AIG1: variants seen among roughly 807,000 people sequenced by gnomAD.
AIG1 encodes the protein androgen-induced gene 1 protein.
A neutral mutation model predicts 31.4 loss-of-function variants in AIG1; 23 were observed. The ratio of observed to expected loss-of-function variants is 0.73; its 90% CI spans 0.53 to 1.04. The LOEUF is 1.04. Among genes scored for constraint, AIG1 ranks in the 50% least tolerant of loss-of-function variants. The probability of loss-of-function intolerance (pLI) is 0.00; values close to 1 mark genes in which losing one functional copy is unlikely to be tolerated. For synonymous variants in AIG1, 100 were observed against 110.5 expected, an observed-to-expected ratio of 0.90 and a Z score of 0.60; for missense variants, 274 against 295.0, an observed-to-expected ratio of 0.93 and a Z score of 0.52.
intron 4 of AIG1, among the ~76,000 whole-genome samples, chr6:143,295,246 C>T (rs372212762): frequency 1.4e-3 from 217 of 152,296 alleles, no homozygotes; most frequent in African/African-American, 4.8e-3. Context: ...ATCTCCACTG[C>T]CAACACTATG....
chr6:143,323,713 C>A (rs375526421), intron 4 of AIG1, among the ~76,000 whole-genome samples: 1 of 152,134 alleles, frequency 6.6e-6, no homozygotes, highest in East Asian at 1.9e-4. Flanking sequence ...CAGACCCCCA[C>A]ACACACTGTG....
intron 2 of AIG1, among the ~76,000 whole-genome samples, chr6:143,150,807 A>C (rs973482191): frequency 6.6e-6 from 1 of 152,218 alleles, no homozygotes; most frequent in African/African-American, 2.4e-5. Flanking sequence ...GCGTCAAAGC[A>C]GATGTTTCTC....
intron 3 of AIG1, chr6:143,190,626 C>G (rs1789708053): frequency 1.3e-5 from 13 of 985,216 alleles, no homozygotes; most frequent in African/African-American, 1.7e-5. Context: ...CACAGATCCT[C>G]CAGTTGAACA....
At chr6:143,222,239 G>C (rs17529996) in intron 3 of AIG1, among the ~76,000 whole-genome samples, 12,152 of 152,196 alleles carry the variant, frequency 0.08, 491 homozygotes, top group South Asian at 0.1. Flanking sequence ...GGAAATGCTT[G>C]GTTAGTAAGG....
intron 2 of AIG1, among the ~76,000 whole-genome samples, chr6:143,156,953 G>A (rs936382251): frequency 3.3e-5 from 5 of 152,224 alleles, no homozygotes; most frequent in Admixed American, 2.6e-4. Context: ...ATAGTCCTAT[G>A]CACTGGCCAA....
chr6:143,275,804 C>G (rs1796851666), intron 3 of AIG1, among the ~76,000 whole-genome samples: 2 of 152,170 alleles, frequency 1.3e-5, no homozygotes, highest in Non-Finnish European at 2.9e-5. Flanking sequence ...GTTTGCCTGT[C>G]TGAGGGCATT....
chr6:143,321,284 A>G lies in AIG1; in HGVS notation c.516-11998A>G, dbSNP rs140533274. ...ATTAATTATGTATACCTTCTTGTAT[A>G]TAAATCATACTTCAATTTTTAAAAA... On this transcript the variant is annotated intron_variant, in intron 4 of 5. Transcript: ENST00000357847. Among the ~76,000 whole-genome samples, 1,051 of 152,196 alleles carry G rather than the reference A, an allele frequency of 6.9e-3. 9 individuals carry two copies. The highest frequency in any genetic ancestry group is 0.011 in the Non-Finnish European group (761 of 68,000).
chr6:143,235,673 A>G (rs6570551), intron 3 of AIG1, among the ~76,000 whole-genome samples: 77,394 of 152,106 alleles, frequency 0.51, 22,285 homozygotes, highest in East Asian at 0.93. Flanking sequence ...AACAAAGATA[A>G]ATAAACAACA....
chr6:143,274,511 A>T (rs146329073), intron 3 of AIG1, among the ~76,000 whole-genome samples: 1 of 152,230 alleles, frequency 6.6e-6, no homozygotes, highest in African/African-American at 2.4e-5. Flanking sequence ...TGTGTGAGCC[A>T]CTTCTACTCC....
At chr6:143,218,310 C>G (rs1166761587) in intron 3 of AIG1, among the ~76,000 whole-genome samples, 1 of 152,182 alleles carries the variant, frequency 6.6e-6, no homozygotes, top group Non-Finnish European at 1.5e-5. Context: ...GTCACCTGCC[C>G]TAGCTGCCAG....
chr6:143,321,545 C>T (rs1344693212), intron 4 of AIG1, among the ~76,000 whole-genome samples: 1 of 151,620 alleles, frequency 6.6e-6, no homozygotes, highest in Non-Finnish European at 1.5e-5. Flanking sequence ...TTGCAGTGAG[C>T]CGAGGTCACT....
chr6:143,342,166 A>G, downstream of AIG1: 1 of 566,088 alleles, frequency 1.8e-6, no homozygotes, highest in South Asian at 1.9e-5. Flanking sequence ...TTAGGTGATC[A>G]CCCGCCTTGG....
intron 4 of AIG1, among the ~76,000 whole-genome samples, chr6:143,304,637 A>C (rs1334575501): frequency 4.0e-5 from 6 of 151,874 alleles, no homozygotes; most frequent in Non-Finnish European, 8.8e-5. Context: ...CCAGTATTTT[A>C]TTGAGGATTT....
chr6:143,254,851 AAAT>A (rs1795269069), intron 3 of AIG1, among the ~76,000 whole-genome samples: 1 of 152,066 alleles, frequency 6.6e-6, no homozygotes, highest in South Asian at 2.1e-4. Flanking sequence ...CCGTCTCTAC[AAAT>A]AATAATAGTA....
intron 3 of AIG1, among the ~76,000 whole-genome samples, chr6:143,255,882 C>G (rs1795348695): frequency 6.6e-6 from 1 of 152,098 alleles, no homozygotes; most frequent in African/African-American, 2.4e-5. Context: ...TCTTTTCTCT[C>G]TCAATTTTGA....
rs1797818319 is a variant in AIG1, at chr6:143,288,127, C to T, written c.515+3902C>T. On this transcript the variant is annotated intron_variant, in intron 4 of 5. Coordinates refer to ENST00000357847, the MANE Select transcript of AIG1 (RefSeq NM_016108.4). This position sits in a 1 kb window ranked among gnomAD's most constrained non-coding sequence, Gnocchi z 4.4. ...GCAGCCGTCTGGGGCTGAATCTTTT[C>T]CCGGGCTGGCTCCACCCTCACTTCC... is the stretch of plus-strand genomic sequence containing the variant. Among the ~76,000 whole-genome samples, 1 of 152,090 alleles carries T rather than the reference C, an allele frequency of 6.6e-6. No individual in the cohort carries two copies. The highest frequency in any genetic ancestry group is 2.4e-5 in the African/African-American group (1 of 41,396).
At chr6:143,117,727 T>C (rs554108527) in intron 1 of AIG1, among the ~76,000 whole-genome samples, 1 of 152,218 alleles carries the variant, frequency 6.6e-6, no homozygotes, top group Non-Finnish European at 1.5e-5. Context: ...ATCTCTAAGG[T>C]AGTGATTGCA....
chr6:143,117,608 C>A (rs973431527), intron 1 of AIG1, among the ~76,000 whole-genome samples: 5 of 152,092 alleles, frequency 3.3e-5, no homozygotes, highest in South Asian at 4.2e-4. Context: ...GTCTGACTTT[C>A]AAATGCAGAA....
At chr6:143,119,164 C>T (rs541461967) in intron 1 of AIG1, among the ~76,000 whole-genome samples, 3 of 152,260 alleles carry the variant, frequency 2.0e-5, no homozygotes, top group Admixed American at 2.0e-4. Flanking sequence ...AAGTACATAG[C>T]GTGCTTATCA....
Sources: allele counts gnomAD v4.1 joint callset (sites outside exome capture counted in the v4.1 genomes callset), GRCh38; gene constraint gnomAD v4.1.1; non-coding constraint Gnocchi (gnomAD v3.1); transcripts MANE v1.5; gene names NCBI Gene and HGNC (gene_info 2026-07-23, HGNC 2026-07-21).